The following IL17RD variants were observed in gnomAD, a reference collection of about 807,000 sequenced individuals.
IL17RD encodes the protein interleukin 17 receptor D.
IL17RD carries 52 observed loss-of-function variants against 80.5 expected under a neutral mutation model. The ratio of observed to expected loss-of-function variants is 0.65; its 90% CI spans 0.52 to 0.81. The LOEUF (loss-of-function observed/expected upper bound fraction) is 0.81. Among genes scored for constraint, IL17RD ranks in the 40% least tolerant of loss-of-function variants. IL17RD has a pLI of 0.00. For missense variants in IL17RD, 1,024 were observed against 955.1 expected, an observed-to-expected ratio of 1.07 and a Z score of -0.95; for synonymous variants, 416 against 391.8, an observed-to-expected ratio of 1.06 and a Z score of -0.73.
intron 1 of IL17RD, among the ~76,000 whole-genome samples, chr3:57,143,767 T>C (rs1317767291): frequency 2.0e-5 from 3 of 152,170 alleles, no homozygotes; most frequent in Non-Finnish European, 4.4e-5. Context: ...GCAATGTGCC[T>C]AGGGCAGTGA....
intron 1 of IL17RD, among the ~76,000 whole-genome samples, chr3:57,126,513 A>G (rs1372606601): frequency 2.0e-5 from 3 of 152,258 alleles, no homozygotes; most frequent in Non-Finnish European, 4.4e-5. Flanking sequence ...GCAGCGGAGC[A>G]GGATCCACAG....
upstream of IL17RD, among the ~76,000 whole-genome samples, chr3:57,168,566 A>T (rs1281440154): frequency 6.6e-6 from 1 of 152,170 alleles, no homozygotes; most frequent in East Asian, 1.9e-4. Context: ...TGTGAGTGGC[A>T]GGAGAGCCAC....
intron 3 of IL17RD, among the ~76,000 whole-genome samples, chr3:57,113,676 C>CTGT (rs955462557): frequency 1.3e-5 from 2 of 152,144 alleles, no homozygotes; most frequent in Non-Finnish European, 2.9e-5. Context: ...GTAGCTAAGA[C>CTGT]TACAGACTTG....
intron 7 of IL17RD, among the ~76,000 whole-genome samples, chr3:57,105,552 A>AAAAAAAAAAAAAAGAT: frequency 1.6e-5 from 1 of 63,590 alleles, no homozygotes; most frequent in Admixed American, 1.9e-4. Context: ...AAAAAAAAAA[A>AAAAAAAAAAAAAAGAT]ATATATATAT....
chr3:57,139,145 T>A (rs576589466), intron 1 of IL17RD, among the ~76,000 whole-genome samples: 53 of 152,000 alleles, frequency 3.5e-4, no homozygotes, highest in Middle Eastern at 3.4e-3. Flanking sequence ...GATAGGCTAA[T>A]TCATAAGAGG....
intron 2 of IL17RD, among the ~76,000 whole-genome samples, chr3:57,115,399 C>G (rs778711023): frequency 6.6e-6 from 1 of 152,060 alleles, no homozygotes; most frequent in African/African-American, 2.4e-5. Flanking sequence ...AATTTTTGTT[C>G]TTAGACACCA....
chr3:57,116,357 C>T (rs1300482667), intron 2 of IL17RD, among the ~76,000 whole-genome samples: 6 of 149,026 alleles, frequency 4.0e-5, no homozygotes, highest in Admixed American at 1.4e-4. Context: ...AATCTCGGCT[C>T]ATGGCAACCT....
At chr3:57,105,718 C>T in intron 7 of IL17RD, 139 bp downstream of exon 7, 3 of 665,366 alleles carry the variant, frequency 4.5e-6, no homozygotes, top group Non-Finnish European at 5.1e-6. Context: ...GAGACATGCC[C>T]AATGATTACA....
intron 1 of IL17RD, among the ~76,000 whole-genome samples, chr3:57,146,514 G>A (rs1707932684): frequency 6.6e-6 from 1 of 152,086 alleles, no homozygotes; most frequent in Non-Finnish European, 1.5e-5. Context: ...ACGTTGGAAG[G>A]CCAAGGTGGG....
At position 57,127,395 on chromosome 3, in the gene IL17RD, A is replaced by AATAAAT. The variant is rs1553625675; in HGVS notation, c.127-7083_127-7082insATTTAT. Among the ~76,000 whole-genome samples the AATAAAT allele has an allele frequency of 1.5e-4, 13 of 86,640 alleles. 2 individuals carry two copies. Among genetic ancestry groups the AATAAAT allele is most frequent in the African/African-American group, 4.5e-4 (8 of 17,790 alleles). The allele number at this position is 86,640 out of a possible 152,430, so 56.8% of individuals were successfully genotyped here. Reference sequence around the variant, plus strand: ...ATATATATAAATAAATAAATAAATAAATATATATATATATATATTTTTTTT... The same window carrying AATAAAT: ...ATATATATAAATAAATAAATAAATAAATAAATATATATATATATATATATTTTTTTT... On this transcript the variant is annotated intron_variant, in intron 1 of 12. Coordinates refer to ENST00000296318, the MANE Select transcript of IL17RD (RefSeq NM_017563.5).
chr3:57,148,784 C>T (rs948720679), intron 1 of IL17RD, among the ~76,000 whole-genome samples: 1 of 152,188 alleles, frequency 6.6e-6, no homozygotes, highest in Non-Finnish European at 1.5e-5. Flanking sequence ...ACAGATTCTT[C>T]ATCACACTCT....
chr3:57,127,318 ATAT>A (rs1232747492), intron 1 of IL17RD, among the ~76,000 whole-genome samples: 1 of 102,904 alleles, frequency 9.7e-6, no homozygotes, highest in African/African-American at 5.3e-5. Context: ...ATATATAAAA[ATAT>A]ATATAAATAT....
At chr3:57,127,827 A>T (rs911760837) in intron 1 of IL17RD, among the ~76,000 whole-genome samples, 14 of 152,208 alleles carry the variant, frequency 9.2e-5, no homozygotes, top group African/African-American at 2.9e-4. Context: ...ACCAATGGAC[A>T]TGAGAAGGGT....
At chr3:57,102,623 A>C (rs1264679551) in intron 9 of IL17RD, 34 bp from the exon 10 acceptor site, 3 of 1,140,028 alleles carry the variant, frequency 2.6e-6, no homozygotes, top group Non-Finnish European at 3.9e-6. Context: ...TTTTAAACTT[A>C]AGCAGTGTAA....
intron 12 of IL17RD, among the ~76,000 whole-genome samples, chr3:57,096,811 A>G (rs1181096345): frequency 6.6e-6 from 1 of 152,068 alleles, no homozygotes; most frequent in Non-Finnish European, 1.5e-5. Context: ...GGAGTTTGAG[A>G]CCAGCCTGGC....
chr3:57,128,986 C>T (rs906317676), intron 1 of IL17RD, among the ~76,000 whole-genome samples: 5 of 152,128 alleles, frequency 3.3e-5, no homozygotes, highest in Non-Finnish European at 7.3e-5. Flanking sequence ...TTTCCAATTC[C>T]GAAAACGTTA....
chr3:57,098,712 C>G (rs371472932), intron 11 of IL17RD, among the ~76,000 whole-genome samples, 174 bp from the exon 12 acceptor site: 108 of 152,326 alleles, frequency 7.1e-4, no homozygotes, highest in African/African-American at 2.5e-3. Flanking sequence ...GCTAAAGTTC[C>G]GTGGGTGATG....
chr3:57,134,343 C>A, intron 1 of IL17RD: 1 of 691,162 alleles, frequency 1.4e-6, no homozygotes, highest in East Asian at 2.7e-5. Context: ...CACCTTGGCC[C>A]GCTGGAAGGG....
rs752778480 is a variant in IL17RD at position 57,106,173 on chromosome 3, T to C, written c.551-19A>G. Reference sequence around the variant, plus strand: ...TCACAGGCTATTAAGAGAATAAAGATACATGTTTTTAGTTTTAGGACAGTT... The same window carrying C: ...TCACAGGCTATTAAGAGAATAAAGACACATGTTTTTAGTTTTAGGACAGTT... On this transcript the variant is annotated intron_variant, in intron 5 of 12. Coordinates refer to ENST00000296318, the MANE Select transcript of IL17RD (RefSeq NM_017563.5). 6 of 1,595,488 alleles carry C rather than the reference T, an allele frequency of 3.8e-6. No homozygotes were observed. The South Asian group carries it at 6.7e-5, about 18-fold the overall frequency.
Sources: allele counts gnomAD v4.1 joint callset (sites outside exome capture counted in the v4.1 genomes callset), GRCh38; gene constraint gnomAD v4.1.1; transcripts MANE v1.5; gene names NCBI Gene and HGNC (gene_info 2026-07-23, HGNC 2026-07-21).